LYPLAL1: variants seen among roughly 807,000 people sequenced by gnomAD.
The protein encoded by LYPLAL1 is lysophospholipase-like protein 1.
Under a neutral mutation model 19.7 loss-of-function variants are expected in LYPLAL1, and 23 were observed. The observed-to-expected ratio is 1.17, with a 90% confidence interval of 0.84 to 1.65. The LOEUF is 1.65. Among genes scored for constraint, LYPLAL1 ranks in the 40% most tolerant of loss-of-function variants. The pLI is 0.00. For missense variants in LYPLAL1, 355 were observed against 279.4 expected, an observed-to-expected ratio of 1.27 and a Z score of -1.93; for synonymous variants, 119 against 96.3, an observed-to-expected ratio of 1.24 and a Z score of -1.38.
downstream of LYPLAL1, among the ~76,000 whole-genome samples, chr1:219,215,065 G>A (rs1486359966): frequency 2.0e-5 from 3 of 151,966 alleles, no homozygotes; most frequent in Non-Finnish European, 4.4e-5. Flanking sequence ...TACCATTTCT[G>A]GTGCTCCTCA....
chr1:219,189,838 A>G (rs956270673), intron 2 of LYPLAL1, among the ~76,000 whole-genome samples: 2 of 151,662 alleles, frequency 1.3e-5, no homozygotes, highest in African/African-American at 4.8e-5. Flanking sequence ...ATTTGAAAAT[A>G]GTTTCAAGTT....
the LYPLAL1 span, among the ~76,000 whole-genome samples, chr1:219,281,065 T>C: frequency 1.8e-4 from 27 of 152,108 alleles, no homozygotes; most frequent in East Asian, 4.8e-3. Flanking sequence ...AATAAATAAG[T>C]AGACAGATAA....
chr1:219,296,474 A>G, the LYPLAL1 span, among the ~76,000 whole-genome samples: 1 of 152,246 alleles, frequency 6.6e-6, no homozygotes, highest in East Asian at 1.9e-4. Context: ...CATTCAACCA[A>G]AAGGGTACTC....
the LYPLAL1 span, among the ~76,000 whole-genome samples, chr1:219,341,105 G>A: frequency 6.6e-6 from 1 of 151,952 alleles, no homozygotes; most frequent in Non-Finnish European, 1.5e-5. Context: ...CCAAAGATAG[G>A]AACAGCTTAT....
At chr1:219,286,948 A>T in the LYPLAL1 span, among the ~76,000 whole-genome samples, 1 of 152,210 alleles carries the variant, frequency 6.6e-6, no homozygotes, top group Non-Finnish European at 1.5e-5. Context: ...AATTGAAGCT[A>T]GGGAATGGTA....
At chr1:219,181,353 CTTAGTT>C (rs935879832) in intron 2 of LYPLAL1, among the ~76,000 whole-genome samples, 6 of 152,118 alleles carry the variant, frequency 3.9e-5, no homozygotes, top group Non-Finnish European at 8.8e-5. Context: ...TTTTCTACAG[CTTAGTT>C]TTAGAACTTA....
At chr1:219,417,500 A>G in the LYPLAL1 span, among the ~76,000 whole-genome samples, 3 of 152,206 alleles carry the variant, frequency 2.0e-5, no homozygotes, top group Admixed American at 1.3e-4. Context: ...AACATTCTGT[A>G]AAAGGTTGTC....
chr1:219,310,717 C>A, the LYPLAL1 span, among the ~76,000 whole-genome samples: 2 of 152,172 alleles, frequency 1.3e-5, no homozygotes, highest in South Asian at 4.1e-4. Flanking sequence ...TCATGATTTT[C>A]ATTTTTTCAT....
the LYPLAL1 span, among the ~76,000 whole-genome samples, chr1:219,365,710 A>G: frequency 6.6e-5 from 10 of 152,186 alleles, no homozygotes; most frequent in Non-Finnish European, 2.9e-5. Context: ...AGACTATCAT[A>G]TAAGTCAGAA....
chr1:219,229,453 G>A, the LYPLAL1 span, among the ~76,000 whole-genome samples: 18 of 152,130 alleles, frequency 1.2e-4, no homozygotes, highest in African/African-American at 4.3e-4. Flanking sequence ...TCCCCCATCT[G>A]CTGAGAGCTA....
At chr1:219,375,490 TAA>T in the LYPLAL1 span, among the ~76,000 whole-genome samples, 65 of 37,480 alleles carry the variant, frequency 1.7e-3, no homozygotes, top group African/African-American at 5.4e-3. Flanking sequence ...AAACTCCTTC[TAA>T]AAAAAAAAAA....
At chr1:219,287,618 A>G in the LYPLAL1 span, among the ~76,000 whole-genome samples, 1 of 152,320 alleles carries the variant, frequency 6.6e-6, no homozygotes, top group Non-Finnish European at 1.5e-5. Context: ...GAACAACAGG[A>G]AGTCTCATTC....
At chr1:219,302,425 C>T in the LYPLAL1 span, among the ~76,000 whole-genome samples, 1 of 152,094 alleles carries the variant, frequency 6.6e-6, no homozygotes, top group South Asian at 2.1e-4. Context: ...CCCTCTCCAC[C>T]CCTGCTTTCC....
the LYPLAL1 span, among the ~76,000 whole-genome samples, chr1:219,390,219 T>C: frequency 6.6e-6 from 1 of 152,174 alleles, no homozygotes; most frequent in Non-Finnish European, 1.5e-5. Context: ...TTTGACATGC[T>C]ATACTAAACA....
intron 3 of LYPLAL1, among the ~76,000 whole-genome samples, chr1:219,207,153 T>C (rs1658640223): frequency 6.6e-6 from 1 of 152,002 alleles, no homozygotes; most frequent in South Asian, 2.1e-4. Flanking sequence ...CTCTTGAATT[T>C]CTCAGAAAAA....
At chr1:219,432,645 A>G in the LYPLAL1 span, among the ~76,000 whole-genome samples, 3 of 152,224 alleles carry the variant, frequency 2.0e-5, no homozygotes, top group African/African-American at 4.8e-5. Context: ...AGGACCACAC[A>G]GGGAATCAGA....
the LYPLAL1 span, among the ~76,000 whole-genome samples, chr1:219,294,974 C>G: frequency 2.0e-5 from 3 of 152,090 alleles, no homozygotes; most frequent in Non-Finnish European, 4.4e-5. Context: ...GAGGCAGCTT[C>G]TTTCAGCCAA....
the LYPLAL1 span, among the ~76,000 whole-genome samples, chr1:219,418,133 GA>G: frequency 1.7e-4 from 26 of 149,708 alleles, no homozygotes; most frequent in African/African-American, 5.4e-4. Context: ...TTTGGAATCA[GA>G]AAAAAAAACA....
the LYPLAL1 span, among the ~76,000 whole-genome samples, chr1:219,373,893 A>C: frequency 5.6e-3 from 734 of 132,206 alleles, 6 homozygotes; most frequent in African/African-American, 0.016. Flanking sequence ...AAAAAAAAAA[A>C]CACAAAAACC....
Sources: allele counts gnomAD v4.1 joint callset (sites outside exome capture counted in the v4.1 genomes callset), GRCh38; gene constraint gnomAD v4.1.1; transcripts MANE v1.5; gene names NCBI Gene and HGNC (gene_info 2026-07-23, HGNC 2026-07-21).